CACNA1D: variants seen among roughly 807,000 people sequenced by gnomAD.
CACNA1D encodes the protein calcium voltage-gated channel subunit alpha1 D, also known as voltage-dependent L-type calcium channel subunit alpha-1D.
In CACNA1D, 55 loss-of-function variants were observed where a neutral mutation model predicts 257.1. The observed-to-expected ratio is 0.21, with a 90% CI of 0.17 to 0.27. The LOEUF is 0.27. CACNA1D is among the 10% of genes least tolerant of loss of function. CACNA1D has a pLI of 1.00. For synonymous variants in CACNA1D, 980 were observed against 1,014.9 expected (o/e 0.97, Z 0.65); for missense variants, 1,876 against 2,784.0 (o/e 0.67, Z 7.34).
chr3:53,676,716 T>C (rs926966563), intron 8 of CACNA1D, among the ~76,000 whole-genome samples: 4 of 152,266 alleles, frequency 2.6e-5, no homozygotes, highest in Admixed American at 6.5e-5. Flanking sequence ...GAACAGACTT[T>C]AATCTGCACA....
chr3:53,639,103 G>A (rs2093918538), intron 3 of CACNA1D, among the ~76,000 whole-genome samples: 1 of 152,198 alleles, frequency 6.6e-6, no homozygotes, highest in African/African-American at 2.4e-5. Context: ...AAATAACTCA[G>A]TGCCTGTGAA....
intron 4 of CACNA1D, 41 bp downstream of exon 4, chr3:53,650,959 TGGGAGGTGGAGGTTGG>T: frequency 6.6e-7 from 1 of 1,513,058 alleles, no homozygotes; most frequent in Non-Finnish European, 9.1e-7. Flanking sequence ...ATTTGGAAAA[TGGGAGGTGGAGGTTGG>T]GGGGGGTGGT....
At chr3:53,567,993 C>T (rs1158929335) in intron 3 of CACNA1D, among the ~76,000 whole-genome samples, 3 of 152,166 alleles carry the variant, frequency 2.0e-5, no homozygotes, top group African/African-American at 7.2e-5. Flanking sequence ...AAGACCTTGC[C>T]TCACGACTCT....
In CACNA1D at chr3:53,512,002, T is replaced by A. The variant is rs139024635; in HGVS notation, c.483+10282T>A. The stretch of plus-strand genomic sequence containing the variant: ...TCAGTAAATAGATAACAACAGGGTA[T>A]AATGAAACACTGTTTATATTTAAAT... On this transcript the variant is annotated intron_variant, in intron 3 of 47. Coordinates refer to ENST00000350061, the MANE Select transcript of CACNA1D (RefSeq NM_001128840.3). Among the ~76,000 whole-genome samples the A allele has an allele frequency of 1.7e-3, 266 of 152,360 alleles. 1 individual carries two copies. Among genetic ancestry groups the A allele is most frequent in the Admixed American group, 5.5e-3 (84 of 15,306 alleles).
chr3:53,619,759 C>T (rs2093676164), intron 3 of CACNA1D, among the ~76,000 whole-genome samples: 1 of 152,208 alleles, frequency 6.6e-6, no homozygotes, highest in Admixed American at 6.5e-5. Context: ...TAATCCCTTT[C>T]TTTAAGTGTG....
chr3:53,645,309 C>T (rs1011761563), intron 3 of CACNA1D, among the ~76,000 whole-genome samples: 3 of 152,046 alleles, frequency 2.0e-5, no homozygotes, highest in African/African-American at 7.3e-5. Flanking sequence ...TGTGTGTAAG[C>T]GTTTTAGTTA....
chr3:53,617,814 C>T (rs899487089), intron 3 of CACNA1D, among the ~76,000 whole-genome samples: 49 of 152,158 alleles, frequency 3.2e-4, no homozygotes, highest in African/African-American at 1.1e-3. Context: ...ACATGTGAGC[C>T]TCAAATGTAC....
intron 9 of CACNA1D, among the ~76,000 whole-genome samples, chr3:53,715,762 A>C (rs2094812014): frequency 6.6e-6 from 1 of 152,212 alleles, no homozygotes; most frequent in Non-Finnish European, 1.5e-5. Flanking sequence ...ATCAGCTCAG[A>C]GAGCAGGAGG....
rs114937070 is a variant in CACNA1D at position 53,801,780 on chromosome 3, G to A, written c.5408+355G>A. Among the ~76,000 whole-genome samples the A allele has an allele frequency of 5.4e-3, 817 of 152,330 alleles. 6 individuals carry two copies. Among genetic ancestry groups the A allele is most frequent in the African/African-American group, 0.019 (778 of 41,580 alleles). On this transcript the variant is annotated intron_variant, in intron 42 of 47. Transcript: ENST00000350061. ...TCAGTGAGTCAATATTTTAGGCTTT[G>A]AGAACCATACAGTCTTGCACCTTCT... is the stretch of plus-strand genomic sequence containing the variant.
At chr3:53,636,955 A>C (rs1239306695) in intron 3 of CACNA1D, among the ~76,000 whole-genome samples, 4 of 152,264 alleles carry the variant, frequency 2.6e-5, no homozygotes, top group Non-Finnish European at 5.9e-5. Flanking sequence ...ATTAACTATC[A>C]AAAATCTCAG....
chr3:53,624,397 A>G (rs1009917430), intron 3 of CACNA1D, among the ~76,000 whole-genome samples: 1 of 152,248 alleles, frequency 6.6e-6, no homozygotes, highest in Non-Finnish European at 1.5e-5. Context: ...GTCTTGCGTG[A>G]TAACGAAGAC....
At chr3:53,600,802 T>C (rs949690316) in intron 3 of CACNA1D, among the ~76,000 whole-genome samples, 2 of 152,188 alleles carry the variant, frequency 1.3e-5, no homozygotes, top group African/African-American at 4.8e-5. Context: ...CTATAGATCA[T>C]AATATAAAAA....
At chr3:53,801,478 G>T in intron 42 of CACNA1D, 53 bp downstream of exon 42, 2 of 1,606,520 alleles carry the variant, frequency 1.2e-6, no homozygotes, top group South Asian at 2.2e-5. Flanking sequence ...CCCGTGTTGC[G>T]TCTAGTCCCA....
rs2095026701 is a variant in CACNA1D at position 53,733,930 on chromosome 3, T to TTTGTGTG, written c.2621+969_2621+970insTGTGTGT. Reference sequence around the variant, plus strand: ...CAGCCCTTTGTGTGTGTGTGTGTGTTTGTGTGTGTGTGTGTGTGTGTGTAT... The same window carrying TTTGTGTG: ...CAGCCCTTTGTGTGTGTGTGTGTGTTTTGTGTGTGTGTGTGTGTGTGTGTGTGTGTAT... On this transcript the variant is annotated intron_variant, in intron 19 of 47. Transcript: ENST00000350061. Among the ~76,000 whole-genome samples, 99 of 134,042 alleles carry TTTGTGTG rather than the reference T, an allele frequency of 7.4e-4. 1 individual carries two copies. In the Middle Eastern group the frequency reaches 0.034, roughly 46 times the overall value. The allele number at this position is 134,042 out of a possible 152,430, so 87.9% of individuals were successfully genotyped here.
At chr3:53,712,529 C>T (rs942379108) in intron 9 of CACNA1D, among the ~76,000 whole-genome samples, 1 of 152,202 alleles carries the variant, frequency 6.6e-6, no homozygotes, top group Non-Finnish European at 1.5e-5. Flanking sequence ...TCTCTACTAG[C>T]ATGTGCATGT....
chr3:53,708,328 G>C (rs1008397757), intron 9 of CACNA1D, among the ~76,000 whole-genome samples: 6 of 152,258 alleles, frequency 3.9e-5, no homozygotes, highest in Non-Finnish European at 7.3e-5. Context: ...GCAAACAGCA[G>C]CAGTTAGAGT....
chr3:53,753,178 C>G (rs1197792559), intron 28 of CACNA1D, among the ~76,000 whole-genome samples: 1 of 152,178 alleles, frequency 6.6e-6, no homozygotes, highest in Non-Finnish European at 1.5e-5. Context: ...AAAACACTGC[C>G]TTTTATTCAA....
At position 53,723,748 on chromosome 3, in the gene CACNA1D, C is replaced by G. The variant is rs955898521; in HGVS notation, c.1893-44C>G. On this transcript the variant is annotated intron_variant, in intron 13 of 47. Transcript: ENST00000350061. This position sits in a 1 kb window ranked among gnomAD's most constrained non-coding sequence, Gnocchi z 5.6. ...CCGGGCAGGTGATGTTCTGCTCTGT[C>G]CTGCATGGGTGTTCTGAGCTGACAC... 4 of 1,589,376 alleles carry G rather than the reference C, an allele frequency of 2.5e-6. No individual in the cohort carries two copies. The highest frequency in any genetic ancestry group is 3.5e-6 in the Non-Finnish European group (4 of 1,157,538).
At chr3:53,570,328 T>C (rs904821440) in intron 3 of CACNA1D, among the ~76,000 whole-genome samples, 4 of 152,170 alleles carry the variant, frequency 2.6e-5, no homozygotes, top group African/African-American at 9.7e-5. Context: ...TAAAATGCCT[T>C]TATATGTGCA....
Sources: allele counts gnomAD v4.1 joint callset (sites outside exome capture counted in the v4.1 genomes callset), GRCh38; gene constraint gnomAD v4.1.1; non-coding constraint Gnocchi (gnomAD v3.1); transcripts MANE v1.5; gene names NCBI Gene and HGNC (gene_info 2026-07-23, HGNC 2026-07-21).